Variants in PRKCE observed in about 807,000 individuals in gnomAD.
PRKCE encodes the protein protein kinase C epsilon type.
In PRKCE, 16 loss-of-function variants were observed where a neutral mutation model predicts 85.4. The observed-to-expected ratio is 0.19, with a 90% CI of 0.13 to 0.28. PRKCE has a LOEUF of 0.28. PRKCE is among the 10% of genes least tolerant of loss of function. PRKCE has a pLI of 1.00. For synonymous variants in PRKCE, 388 were observed against 371.5 expected (o/e 1.04, Z -0.51); for missense variants, 573 against 975.2 (o/e 0.59, Z 5.49).
In PRKCE at chr2:45,999,660, G is replaced by A. The variant is rs1351938423; in HGVS notation, c.824-1744G>A. On this transcript the variant is annotated intron_variant, in intron 6 of 14. Coordinates refer to ENST00000306156, the MANE Select transcript of PRKCE (RefSeq NM_005400.3). The stretch of plus-strand genomic sequence containing the variant: ...GTTTGGTGTCTGACATTAATTTTGG[G>A]AAATTCTCTGTCCTCATTGTATCAA... Among the ~76,000 whole-genome samples the A allele has an allele frequency of 2.6e-5, 4 of 151,932 alleles. No homozygotes were observed. In the South Asian group the frequency reaches 6.2e-4, roughly 24 times the overall value.
intron 1 of PRKCE, among the ~76,000 whole-genome samples, chr2:45,709,675 T>G (rs900133286): frequency 6.6e-6 from 1 of 152,230 alleles, no homozygotes; most frequent in Non-Finnish European, 1.5e-5. Flanking sequence ...AGTCAGGGAC[T>G]TCCAGATCTA....
rs1302347657 is a variant in PRKCE at position 45,905,547 on chromosome 2, C to G, written c.412+62484C>G. On this transcript the variant is annotated intron_variant, in intron 2 of 14. Coordinates refer to ENST00000306156, the MANE Select transcript of PRKCE (RefSeq NM_005400.3). The surrounding 1 kb of genome is among the most constrained non-coding windows in gnomAD (Gnocchi z 4.4). ...AAACACAGCTTAAGCACATTGGAGC[C>G]CTGTGAGCTTTCCTAAAAGCTGGGC... Among the ~76,000 whole-genome samples the G allele has an allele frequency of 6.6e-6, 1 of 152,156 alleles. No homozygotes were observed. The highest frequency in any genetic ancestry group is 1.5e-5 in the Non-Finnish European group (1 of 68,028).
intron 1 of PRKCE, among the ~76,000 whole-genome samples, chr2:45,790,883 G>C (rs1248775529): frequency 1.3e-5 from 2 of 152,182 alleles, no homozygotes; most frequent in Non-Finnish European, 2.9e-5. Context: ...GCTGGTGGTG[G>C]TAAGCGGGGA....
chr2:46,135,100 C>T (rs1674829421), intron 11 of PRKCE, among the ~76,000 whole-genome samples: 2 of 152,128 alleles, frequency 1.3e-5, no homozygotes, highest in Admixed American at 6.5e-5. Context: ...GGCTTCAAAC[C>T]GAGATGTTGT....
rs1477225450 is a variant in PRKCE at position 45,895,013 on chromosome 2, G to T, written c.412+51950G>T. ...GCTGGGATTACAGGCATCAGCCCCT[G>T]TGCCCCCGTTCGTTTGTTTTGAGTG... On this transcript the variant is annotated intron_variant, in intron 2 of 14. Coordinates refer to ENST00000306156, the MANE Select transcript of PRKCE (RefSeq NM_005400.3). The surrounding 1 kb of genome is among the most constrained non-coding windows in gnomAD (Gnocchi z 4.8). Among the ~76,000 whole-genome samples, 1 of 152,204 alleles carries T rather than the reference G, an allele frequency of 6.6e-6. No individual in the cohort carries two copies. Among genetic ancestry groups the T allele is most frequent in the Non-Finnish European group, 1.5e-5 (1 of 68,034 alleles).
chr2:45,976,601 C>A lies in PRKCE; in HGVS notation c.572+13C>A. ...GAGACTTCATCTGGTAAGCCTTTCT[C>A]TTGGGAACCTCTAATTACAACATCT... On this transcript the variant is annotated intron_variant, in intron 3 of 14. Coordinates refer to ENST00000306156, the MANE Select transcript of PRKCE (RefSeq NM_005400.3). The A allele has an allele frequency of 1.3e-6, 2 of 1,598,476 alleles. No homozygotes were observed. Among genetic ancestry groups the A allele is most frequent in the Middle Eastern group, 3.3e-4 (2 of 6,058 alleles).
intron 11 of PRKCE, among the ~76,000 whole-genome samples, chr2:46,101,690 G>T (rs1017449818): frequency 3.9e-5 from 6 of 152,108 alleles, no homozygotes; most frequent in Non-Finnish European, 5.9e-5. Context: ...TTTCAGAGGT[G>T]GGAGAAAACT....
intron 10 of PRKCE, among the ~76,000 whole-genome samples, chr2:46,061,859 CT>C (rs10695600): frequency 0.083 from 8,979 of 107,544 alleles, 178 homozygotes; most frequent in African/African-American, 0.095. Flanking sequence ...TTTTCTTTTT[CT>C]TTTTTTTTTT....
chr2:46,161,196 T>C (rs1208695915), intron 14 of PRKCE, among the ~76,000 whole-genome samples: 1 of 152,204 alleles, frequency 6.6e-6, no homozygotes, highest in African/African-American at 2.4e-5. Context: ...CCTGCCCCAT[T>C]GCTGGGGGCT....
intron 1 of PRKCE, among the ~76,000 whole-genome samples, chr2:45,767,290 C>T (rs189422069): frequency 6.6e-6 from 1 of 152,192 alleles, no homozygotes; most frequent in East Asian, 1.9e-4. Context: ...AAAAAAGGAA[C>T]AAGAAAGTAA....
At chr2:45,659,029 G>A (rs1370891212) in intron 1 of PRKCE, among the ~76,000 whole-genome samples, 3 of 152,156 alleles carry the variant, frequency 2.0e-5, no homozygotes, top group Non-Finnish European at 4.4e-5. Flanking sequence ...ATGTCATCTA[G>A]TTTCATGGAT....
At chr2:45,983,859 C>G (rs1366021169) in intron 5 of PRKCE, among the ~76,000 whole-genome samples, 1 of 152,124 alleles carries the variant, frequency 6.6e-6, no homozygotes, top group Non-Finnish European at 1.5e-5. Context: ...TGCACAGAAT[C>G]CCGTGTCCAC....
At chr2:45,703,831 T>G (rs1462110579) in intron 1 of PRKCE, among the ~76,000 whole-genome samples, 2 of 152,228 alleles carry the variant, frequency 1.3e-5, no homozygotes, top group African/African-American at 4.8e-5. Flanking sequence ...GCCTGTTCAC[T>G]CATAACAAAA....
chr2:45,703,028 C>CCG (rs1553382532), intron 1 of PRKCE, among the ~76,000 whole-genome samples: 2 of 151,716 alleles, frequency 1.3e-5, no homozygotes, highest in Non-Finnish European at 2.9e-5. Context: ...TTTTCCCCCC[C>CCG]CGTCAGGAAG....
At chr2:45,744,443 TTCTTTCTTTCTTTCTTTC>T (rs1558623257) in intron 1 of PRKCE, among the ~76,000 whole-genome samples, 1 of 52,502 alleles carries the variant, frequency 1.9e-5, no homozygotes, top group African/African-American at 9.4e-5. Flanking sequence ...CTTTCTTTCT[TTCTTTCTTTCTTTCTTTC>T]TTTCTTTCTT....
intron 2 of PRKCE, among the ~76,000 whole-genome samples, chr2:45,948,511 T>C (rs747968285): frequency 6.6e-6 from 1 of 152,080 alleles, no homozygotes. Flanking sequence ...TGGTGGTGTA[T>C]GCCTGTAGTC....
chr2:46,167,275 G>A (rs767957598), intron 14 of PRKCE, among the ~76,000 whole-genome samples: 5 of 152,134 alleles, frequency 3.3e-5, no homozygotes, highest in Non-Finnish European at 7.4e-5. Context: ...TCATAGCATG[G>A]GGGTTATAAA....
chr2:46,150,196 A>C (rs1676480079), intron 12 of PRKCE, among the ~76,000 whole-genome samples: 1 of 152,198 alleles, frequency 6.6e-6, no homozygotes, highest in Non-Finnish European at 1.5e-5. Flanking sequence ...ACATGCATTT[A>C]ATCTAAGTGA....
At chr2:46,169,834 T>C (rs574953846) in intron 14 of PRKCE, among the ~76,000 whole-genome samples, 1 of 152,258 alleles carries the variant, frequency 6.6e-6, no homozygotes, top group East Asian at 1.9e-4. Flanking sequence ...CACCCCAAAA[T>C]GTGGCACTTC....
Sources: allele counts gnomAD v4.1 joint callset (sites outside exome capture counted in the v4.1 genomes callset), GRCh38; gene constraint gnomAD v4.1.1; non-coding constraint Gnocchi (gnomAD v3.1); transcripts MANE v1.5; gene names NCBI Gene and HGNC (gene_info 2026-07-23, HGNC 2026-07-21).